ANK2: variants seen among roughly 807,000 people sequenced by gnomAD.
ANK2 encodes ankyrin 2, also known as ankyrin-2.
A neutral mutation model predicts 360.5 loss-of-function variants in ANK2; 83 were observed. The observed-to-expected ratio is 0.23, with a 90% CI of 0.19 to 0.28. The LOEUF (loss-of-function observed/expected upper bound fraction) is 0.28. Among genes scored for constraint, ANK2 ranks in the 10% least tolerant of loss-of-function variants. ANK2 has a pLI of 1.00. For synonymous variants in ANK2, 1,740 were observed against 1,759.5 expected (o/e 0.99, Z 0.28); for missense variants, 4,201 against 4,795.7 (o/e 0.88, Z 3.66).
intron 22 of ANK2, among the ~76,000 whole-genome samples, chr4:113,302,508 GA>G (rs2075477440): frequency 6.6e-6 from 1 of 152,116 alleles, no homozygotes; most frequent in Non-Finnish European, 1.5e-5. Context: ...CATTGCTAAA[GA>G]ATTTATTTTT....
chr4:113,282,459 A>G (rs1427601690), intron 17 of ANK2, among the ~76,000 whole-genome samples: 5 of 152,198 alleles, frequency 3.3e-5, no homozygotes, highest in Admixed American at 1.3e-4. Context: ...TTTGATGTCT[A>G]TATCTGTCTT....
chr4:113,336,514 G>T, intron 30 of ANK2, 63 bp from the exon 31 acceptor site: 1 of 1,387,524 alleles, frequency 7.2e-7, no homozygotes, highest in South Asian at 1.3e-5. Flanking sequence ...TAAGTATAAT[G>T]ATTCATTCTT....
chr4:113,379,663 A>C (rs140713844), intron 45 of ANK2, among the ~76,000 whole-genome samples: 1 of 152,304 alleles, frequency 6.6e-6, no homozygotes, highest in East Asian at 1.9e-4. Flanking sequence ...TTGGAATCAA[A>C]TTTGACCTTT....
intron 2 of ANK2, chr4:113,034,777 A>C (rs2061221877): frequency 6.6e-6 from 1 of 151,980 alleles, no homozygotes; most frequent in Non-Finnish European, 1.5e-5. Context: ...ACACTACTGG[A>C]GTATGAAATT....
the ANK2 span, among the ~76,000 whole-genome samples, chr4:112,756,779 C>G: frequency 3.3e-5 from 5 of 152,138 alleles, no homozygotes; most frequent in Non-Finnish European, 4.4e-5. Context: ...TCGAGACCAG[C>G]CTGGCCAACA....
intron 37 of ANK2, among the ~76,000 whole-genome samples, chr4:113,352,808 A>G (rs2095499796): frequency 6.6e-6 from 1 of 151,774 alleles, no homozygotes. Context: ...CAAGTGAGAA[A>G]AATTAAGCAA....
At chr4:112,983,059 ATT>A (rs908187736) in intron 2 of ANK2, among the ~76,000 whole-genome samples, 1 of 152,112 alleles carries the variant, frequency 6.6e-6, no homozygotes, top group East Asian at 1.9e-4. Flanking sequence ...AATAGTAACT[ATT>A]TTTTATTTCT....
Position 113,357,542 on chromosome 4 carries a change from G to A in ANK2, c.8924G>A (p.Ser2975Asn). The part of the protein sequence containing the change: ...TSPVEDVVVA[S>N]SSSGTVLSKE... ...CCTGTTGAAGACGTTGTAGTGGCAA[G>A]CTCCTCTAGTGGAACTGTTTTAAGC... Residue 2975 changes from serine (S) to asparagine (N), a missense_variant, in exon 38 of 46, where the codon AGC (serine) becomes AAC (asparagine). By Grantham distance (46) the Ser-to-Asn change is conservative (BLOSUM62 1). Transcript: ENST00000357077. 6.2e-7 allele frequency: 1 copy of A among 1,614,122 alleles called. No homozygotes were observed. Among genetic ancestry groups the A allele is most frequent in the Non-Finnish European group, 8.5e-7 (1 of 1,179,978 alleles).
intron 1 of ANK2, among the ~76,000 whole-genome samples, chr4:112,838,102 G>A (rs1328687981): frequency 6.6e-6 from 1 of 152,108 alleles, no homozygotes; most frequent in Non-Finnish European, 1.5e-5. Flanking sequence ...GGAGGGACAT[G>A]GTGGGAGGTG....
chr4:113,193,005 G>A (rs1317170495), intron 2 of ANK2, among the ~76,000 whole-genome samples: 3 of 151,954 alleles, frequency 2.0e-5, no homozygotes, highest in African/African-American at 7.3e-5. Flanking sequence ...TACCATCCGG[G>A]GCGCTAGACG....
chr4:113,255,976 A>G (rs776760621), intron 11 of ANK2, 44 bp downstream of exon 11: 11 of 1,587,436 alleles, frequency 6.9e-6, no homozygotes, highest in Non-Finnish European at 9.5e-6. Context: ...AGATTGAGAC[A>G]AACAAACCCA....
chr4:113,135,523 C>CTGTGTGTGTG (rs33960021), intron 1 of ANK2, among the ~76,000 whole-genome samples: 2 of 149,312 alleles, frequency 1.3e-5, no homozygotes, highest in Non-Finnish European at 3.0e-5. Flanking sequence ...GTGTGTCTCT[C>CTGTGTGTGTG]TGTGTGTGTG....
chr4:113,021,541 C>CACACACACATATATAT lies in ANK2; in HGVS notation c.21+117028_21+117029insCACACACATATATATA, dbSNP rs1489947974. Among the ~76,000 whole-genome samples, 145 of 95,624 alleles carry CACACACACATATATAT rather than the reference C, an allele frequency of 1.5e-3. 3 individuals are homozygous for CACACACACATATATAT. The highest frequency in any genetic ancestry group is 5.0e-3 in the African/African-American group (132 of 26,168). The allele number at this position is 95,624 out of a possible 152,430, so 62.7% of individuals were successfully genotyped here. A position where few individuals can be genotyped will look rare whatever the true frequency, so the allele number is the denominator to read the frequency against. On this transcript the variant is annotated intron_variant, in intron 2 of 30. Coordinates refer to the ANK2 transcript ENST00000503271. ...ATACACACACACACCCACACACAAACATATATATATATATATATATATATA... is the reference window on the plus strand; with the variant it reads ...ATACACACACACACCCACACACAAACACACACACATATATATATATATATATATATATATATATATA...
chr4:112,800,401 G>A, the ANK2 span, among the ~76,000 whole-genome samples: 1 of 152,150 alleles, frequency 6.6e-6, no homozygotes, highest in East Asian at 1.9e-4. Context: ...TAGCGTGTGT[G>A]TGTATGTGTG....
At chr4:112,733,032 G>A in the ANK2 span, among the ~76,000 whole-genome samples, 3 of 151,914 alleles carry the variant, frequency 2.0e-5, no homozygotes, top group Admixed American at 6.6e-5. Context: ...GCCTGGCCAA[G>A]ATGGTGAAAC....
intron 9 of ANK2, among the ~76,000 whole-genome samples, chr4:113,246,676 A>C (rs1405505964): frequency 6.6e-6 from 1 of 152,216 alleles, no homozygotes; most frequent in African/African-American, 2.4e-5. Context: ...GATGATGAAC[A>C]AAAAACACAC....
chr4:112,932,922 G>T (rs772333287), intron 2 of ANK2, among the ~76,000 whole-genome samples: 1 of 151,982 alleles, frequency 6.6e-6, no homozygotes, highest in South Asian at 2.1e-4. Context: ...CTCTGTTATT[G>T]TACCTTTTTC....
intron 1 of ANK2, among the ~76,000 whole-genome samples, chr4:112,881,275 C>T (rs1393961642): frequency 4.6e-5 from 7 of 152,126 alleles, no homozygotes; most frequent in African/African-American, 1.7e-4. Context: ...CCGTCTCTAC[C>T]AAAAATATAA....
the ANK2 span, among the ~76,000 whole-genome samples, chr4:112,804,859 G>A: frequency 2.0e-5 from 3 of 151,780 alleles, no homozygotes; most frequent in Non-Finnish European, 4.4e-5. Flanking sequence ...ATACTCTGGA[G>A]GCTGAGGCGG....
Sources: gnomAD v4.1 joint callset for allele counts (sites outside exome capture counted in the v4.1 genomes callset) on GRCh38, gnomAD v4.1.1 for gene constraint, MANE v1.5 for transcripts, NCBI Gene and HGNC (gene_info 2026-07-23, HGNC 2026-07-21) for gene names.